Variants in TMCC2 observed in about 807,000 individuals in gnomAD.
TMCC2 encodes the protein transmembrane and coiled-coil domain family 2, also known as transmembrane and coiled-coil domains protein 2.
TMCC2 carries 16 observed loss-of-function variants against 49.4 expected under a neutral mutation model. The observed-to-expected ratio is 0.32, with a 90% CI of 0.22 to 0.49. The LOEUF is 0.49. Ranked by LOEUF, TMCC2 falls within the 20% of genes least tolerant of loss-of-function variation. TMCC2 has a pLI of 0.99. For missense variants in TMCC2, 762 were observed against 989.8 expected, an observed-to-expected ratio of 0.77 and a Z score of 3.09; for synonymous variants, 397 against 434.1, an observed-to-expected ratio of 0.91 and a Z score of 1.06.
intron 2 of TMCC2, among the ~76,000 whole-genome samples, chr1:205,246,315 T>TGGGGGTGGGGGGGGGGGGGGGG (rs1553373084): frequency 2.1e-5 from 1 of 47,002 alleles, no homozygotes; most frequent in Non-Finnish European, 4.2e-5. Flanking sequence ...GGGCGGGGGG[T>TGGGGGTGGGGGGGGGGGGGGGG]GGGGGCAGAA....
At position 205,269,761 on chromosome 1, in the gene TMCC2, T is replaced by C; in HGVS notation, c.1559T>C (p.Leu520Pro). ...YGAPGNLDAL[L>P]EELREIKEGQ... Reference sequence around the variant, plus strand: ...GCTCCTGGAAACCTGGATGCTCTGCTGGAAGAGCTACGGGAGATCAAGGAG... The same window carrying C: ...GCTCCTGGAAACCTGGATGCTCTGCCGGAAGAGCTACGGGAGATCAAGGAG... Residue 520 changes from leucine to proline, a missense_variant, in exon 3 of 5, where the codon CTG becomes CCG. Leu to Pro is a moderately conservative substitution (Grantham distance 98). Transcript: ENST00000358024. 2 of 1,614,170 alleles carry C rather than the reference T, an allele frequency of 1.2e-6. No individual in the cohort carries two copies. Among genetic ancestry groups the C allele is most frequent in the South Asian group, 2.2e-5 (2 of 91,086 alleles).
chr1:205,257,969 C>G (rs1456075306), intron 2 of TMCC2, among the ~76,000 whole-genome samples: 1 of 152,134 alleles, frequency 6.6e-6, no homozygotes, highest in Non-Finnish European at 1.5e-5. Flanking sequence ...AGGGCAGACA[C>G]TGAGGGGAGG....
chr1:205,246,216 G>T (rs929762445), intron 2 of TMCC2, among the ~76,000 whole-genome samples: 1 of 149,896 alleles, frequency 6.7e-6, no homozygotes, highest in African/African-American at 2.5e-5. Flanking sequence ...ACAGATTTGC[G>T]GCCTGGCAGC....
At chr1:205,271,331 TC>T in intron 4 of TMCC2, 76 bp downstream of exon 4, 1 of 1,609,708 alleles carries the variant, frequency 6.2e-7, no homozygotes, top group Non-Finnish European at 8.5e-7. Context: ...AGGGTTCTTG[TC>T]ACGTGGGGCA....
intron 2 of TMCC2, among the ~76,000 whole-genome samples, chr1:205,260,832 C>T (rs1661078086): frequency 6.6e-6 from 1 of 152,158 alleles, no homozygotes; most frequent in Non-Finnish European, 1.5e-5. Flanking sequence ...TATTGAGGTT[C>T]ACCCATGTTG....
Position 205,228,585 on chromosome 1 carries a change from C to T in TMCC2, c.21C>T (p.Asp7=). The T allele has an allele frequency of 6.2e-7, 1 of 1,610,722 alleles. No individual in the cohort carries two copies. The highest frequency in any genetic ancestry group is 8.5e-7 in the Non-Finnish European group (1 of 1,177,976). Residue 7 remains aspartate, a synonymous_variant, in exon 1 of 5, where the codon GAC becomes GAT. Transcript: ENST00000358024. MKRCRS[D]ELQQQQGEED... Reference sequence around the variant, plus strand: ...ACACCATGAAGAGGTGCAGATCGGACGAGCTGCAGCAACAACAGGGCGAGG... The same window carrying T: ...ACACCATGAAGAGGTGCAGATCGGATGAGCTGCAGCAACAACAGGGCGAGG...
chr1:205,271,763 G>C, intron 4 of TMCC2, 50 bp from the exon 5 acceptor site: 1 of 1,576,654 alleles, frequency 6.3e-7, no homozygotes, highest in Non-Finnish European at 8.6e-7. Flanking sequence ...TTCAGCCTAG[G>C]GGTCCTGCCC....
At chr1:205,261,841 G>T (rs770112931) in intron 2 of TMCC2, among the ~76,000 whole-genome samples, 15 of 152,094 alleles carry the variant, frequency 9.9e-5, no homozygotes, top group Non-Finnish European at 2.2e-4. Context: ...CTAAATTAGT[G>T]CCCAACTCCA....
intron 2 of TMCC2, among the ~76,000 whole-genome samples, chr1:205,267,307 C>T (rs546391313): frequency 6.6e-6 from 1 of 152,302 alleles, no homozygotes; most frequent in Non-Finnish European, 1.5e-5. Context: ...AACTTTGCAC[C>T]TTGGCAGAAT....
intron 1 of TMCC2, chr1:205,229,546 GGGGGGGGGGGGGTGGTGGCGGGGGC>G (rs1389731212): frequency 6.0e-4 from 21 of 35,010 alleles, no homozygotes; most frequent in Non-Finnish European, 8.3e-4. Flanking sequence ...GTGAAGGGGC[GGGGGGGGGGGGGTGGTGGCGGGGGC>G]GGGGGGGGAA....
chr1:205,261,776 G>C (rs578174307), intron 2 of TMCC2, among the ~76,000 whole-genome samples: 4 of 152,240 alleles, frequency 2.6e-5, no homozygotes, highest in African/African-American at 9.6e-5. Flanking sequence ...CCTTTACTCA[G>C]TGTTTCATCT....
chr1:205,241,969 C>T lies in TMCC2; in HGVS notation c.672C>T (p.Thr224=), dbSNP rs138759586. ...HQCRPRSSST[T]DTALLLADGS... is the part of the protein sequence containing the mutation. ...GCCGTCCCCGCTCTTCCTCCACCAC[C>T]GACACTGCTCTGCTGCTGGCCGACG... The change falls in exon 2 of 5, where the codon ACC becomes ACT. Residue 224 remains threonine, a synonymous_variant. Coordinates refer to ENST00000358024, the MANE Select transcript of TMCC2 (RefSeq NM_014858.4). This position sits in a 1 kb window ranked among gnomAD's most constrained non-coding sequence, Gnocchi z 7.3. The T allele has an allele frequency of 1.6e-4, 259 of 1,611,480 alleles. No individual in the cohort carries two copies. The highest frequency in any genetic ancestry group is 1.1e-3 in the Middle Eastern group (6 of 5,220).
At chr1:205,228,867 A>G in intron 1 of TMCC2, 96 bp downstream of exon 1, 1 of 1,468,184 alleles carries the variant, frequency 6.8e-7, no homozygotes, top group Non-Finnish European at 9.0e-7. Flanking sequence ...TGAGGGGGGA[A>G]GCCAGGCAAA....
intron 3 of TMCC2, 89 bp downstream of exon 3, chr1:205,269,973 G>C: frequency 7.6e-7 from 1 of 1,321,606 alleles, no homozygotes; most frequent in Non-Finnish European, 1.0e-6. Context: ...TGTGGAGGCA[G>C]TCAGAGGAGC....
intron 1 of TMCC2, among the ~76,000 whole-genome samples, chr1:205,233,089 TG>T (rs1659874883): frequency 6.7e-6 from 1 of 149,650 alleles, no homozygotes; most frequent in Non-Finnish European, 1.5e-5. Context: ...TCCTGATATG[TG>T]ATGGAAGTCT....
chr1:205,250,671 A>G (rs1434209574), intron 2 of TMCC2, among the ~76,000 whole-genome samples: 2 of 152,210 alleles, frequency 1.3e-5, no homozygotes, highest in African/African-American at 4.8e-5. Context: ...ATGTAAGGTC[A>G]TGCCTTGTTG....
chr1:205,242,221 G>T (rs1660301669), intron 2 of TMCC2, among the ~76,000 whole-genome samples, 177 bp downstream of exon 2: 1 of 152,222 alleles, frequency 6.6e-6, no homozygotes, highest in Non-Finnish European at 1.5e-5. Flanking sequence ...AAAAACAAGA[G>T]ATGATTCCCA....
chr1:205,231,868 T>C (rs1160582368), intron 1 of TMCC2, among the ~76,000 whole-genome samples: 3 of 152,196 alleles, frequency 2.0e-5, no homozygotes, highest in African/African-American at 7.2e-5. Flanking sequence ...TCCATTTCTG[T>C]TTTCTCATGA....
intron 2 of TMCC2, chr1:205,257,310 C>G (rs1250089791): frequency 1.6e-6 from 2 of 1,232,138 alleles, no homozygotes; most frequent in Non-Finnish European, 2.0e-6. Context: ...CAGCTGGGGC[C>G]TCAGAGCCCC....
Sources: gnomAD v4.1 joint callset for allele counts (sites outside exome capture counted in the v4.1 genomes callset) on GRCh38, gnomAD v4.1.1 for gene constraint, Gnocchi (gnomAD v3.1) non-coding constraint, MANE v1.5 for transcripts, NCBI Gene and HGNC (gene_info 2026-07-23, HGNC 2026-07-21) for gene names.